Variants in ODF2L observed in about 807,000 individuals in gnomAD.
ODF2L encodes the protein outer dense fiber of sperm tails 2 like, also known as protein BCAP.
In ODF2L, 76 loss-of-function variants were observed where a neutral mutation model predicts 86.3. That is an observed-to-expected ratio of 0.88 (90% CI 0.73 to 1.07). The LOEUF (loss-of-function observed/expected upper bound fraction) is 1.07, where lower values mean the gene tolerates loss of function less well. Among genes scored for constraint, ODF2L ranks in the 50% least tolerant of loss-of-function variants. ODF2L has a pLI of 0.00. For missense variants in ODF2L, 748 were observed against 717.4 expected (o/e 1.04, Z -0.49); for synonymous variants, 241 against 231.3 (o/e 1.04, Z -0.38).
intron 1 of ODF2L, among the ~76,000 whole-genome samples, chr1:86,390,885 G>A (rs1434379200): frequency 6.6e-6 from 1 of 152,182 alleles, no homozygotes; most frequent in Non-Finnish European, 1.5e-5. Flanking sequence ...TAAACAGGAA[G>A]TCAAACCGTT....
At chr1:86,365,418 G>A (rs1659335987) in intron 11 of ODF2L, among the ~76,000 whole-genome samples, 1 of 151,980 alleles carries the variant, frequency 6.6e-6, no homozygotes, top group African/African-American at 2.4e-5. Flanking sequence ...ATGGATGGAG[G>A]GAAGAAAAGC....
chr1:86,363,234 T>C (rs940030058), intron 11 of ODF2L, among the ~76,000 whole-genome samples: 1 of 152,186 alleles, frequency 6.6e-6, no homozygotes, highest in Non-Finnish European at 1.5e-5. Context: ...TTGGGAAACA[T>C]CAAGAGCTCC....
chr1:86,350,507 G>C (rs536775128), exon 18 of ODF2L: 1 of 152,260 alleles, frequency 6.6e-6, no homozygotes, highest in South Asian at 2.1e-4. Flanking sequence ...ATCATTGATG[G>C]GCATTTGGGT....
chr1:86,357,254 A>C (rs1658647618), intron 13 of ODF2L, among the ~76,000 whole-genome samples: 1 of 152,110 alleles, frequency 6.6e-6, no homozygotes. Context: ...TTGCACTGCT[A>C]ATTACAAAAA....
At chr1:86,368,341 G>A (rs1168325525) in intron 11 of ODF2L, among the ~76,000 whole-genome samples, 1 of 151,854 alleles carries the variant, frequency 6.6e-6, no homozygotes, top group East Asian at 1.9e-4. Flanking sequence ...AGTTGTATTA[G>A]TATTTATATT....
At chr1:86,353,677 T>C (rs1658316287) in intron 16 of ODF2L, among the ~76,000 whole-genome samples, 1 of 152,154 alleles carries the variant, frequency 6.6e-6, no homozygotes, top group African/African-American at 2.4e-5. Flanking sequence ...CCAACCTAAT[T>C]CCTATGAACT....
chr1:86,347,986 GA>G (rs1657893935), downstream of ODF2L: 2 of 152,142 alleles, frequency 1.3e-5, no homozygotes, highest in Non-Finnish European at 2.9e-5. Context: ...GTTGGCCATG[GA>G]AAGGGTGGGA....
At chr1:86,392,900 T>C (rs1015045755) in intron 1 of ODF2L, among the ~76,000 whole-genome samples, 1 of 152,218 alleles carries the variant, frequency 6.6e-6, no homozygotes, top group African/African-American at 2.4e-5. Flanking sequence ...AAATTTCCTA[T>C]ACAGAGACAA....
intron 11 of ODF2L, among the ~76,000 whole-genome samples, chr1:86,361,551 A>T (rs1172626798): frequency 6.6e-6 from 1 of 152,240 alleles, no homozygotes; most frequent in East Asian, 1.9e-4. Context: ...ATTTAAAAAA[A>T]TGTGTGTGCG....
chr1:86,370,704 A>G (rs961467001), intron 10 of ODF2L, among the ~76,000 whole-genome samples: 10 of 152,190 alleles, frequency 6.6e-5, no homozygotes, highest in Non-Finnish European at 1.3e-4. Context: ...GGTTTCAAAC[A>G]GACCAGGCCT....
chr1:86,364,822 A>C (rs1233898434), intron 11 of ODF2L, among the ~76,000 whole-genome samples: 2 of 152,222 alleles, frequency 1.3e-5, no homozygotes, highest in Non-Finnish European at 2.9e-5. Context: ...TCAGCTTTGA[A>C]GTGCCAACTC....
intron 8 of ODF2L, 118 bp downstream of exon 8, chr1:86,376,115 T>C (rs1280423977): frequency 2.0e-6 from 1 of 501,996 alleles, no homozygotes; most frequent in Non-Finnish European, 3.4e-6. Flanking sequence ...GTAAGTTTTT[T>C]CTGGTATTAA....
Position 86,371,167 on chromosome 1 carries a change from A to C in ODF2L, c.921-14T>G. The C allele has an allele frequency of 7.4e-7, 1 of 1,345,482 alleles. No homozygotes were observed. Among genetic ancestry groups the C allele is most frequent in the Non-Finnish European group, 1.0e-6 (1 of 997,526 alleles). 83.3% of individuals were successfully genotyped at this position (1,345,482 alleles called of 1,614,324 possible). On this transcript the variant is annotated splice_polypyrimidine_tract_variant and intron_variant, in intron 9 of 17. Coordinates refer to ENST00000317336, the Ensembl canonical transcript of ODF2L. ...TTAATGATTTGCCTTTATAAAATCA[A>C]TGACACATTTTATAAAAGTCATAAA...
At chr1:86,384,700 A>G in exon 4 of ODF2L, 1 of 1,512,146 alleles carries the variant, frequency 6.6e-7, no homozygotes, top group Non-Finnish European at 8.8e-7. Context: ...TCTTTCTAAG[A>G]AGATGTTCTA....
intron 1 of ODF2L, among the ~76,000 whole-genome samples, chr1:86,388,049 C>T (rs1451393739): frequency 6.6e-6 from 1 of 151,934 alleles, no homozygotes; most frequent in Non-Finnish European, 1.5e-5. Context: ...TCTGAATGTT[C>T]TATATACTAT....
intron 7 of ODF2L, among the ~76,000 whole-genome samples, chr1:86,381,642 G>GT (rs1178588610): frequency 6.6e-6 from 1 of 151,304 alleles, no homozygotes; most frequent in Non-Finnish European, 1.5e-5. Context: ...ACCTTATATT[G>GT]TATGATATGC....
At chr1:86,377,014 T>C (rs1660220092) in intron 7 of ODF2L, among the ~76,000 whole-genome samples, 1 of 152,156 alleles carries the variant, frequency 6.6e-6, no homozygotes, top group Non-Finnish European at 1.5e-5. Flanking sequence ...AAGTTTCATC[T>C]GAGACAAGGC....
chr1:86,360,354 T>G, intron 12 of ODF2L, 72 bp downstream of exon 11: 1 of 697,412 alleles, frequency 1.4e-6, no homozygotes, highest in Non-Finnish European at 2.5e-6. Context: ...TCTATTTATT[T>G]AGATTACAAA....
intron 14 of ODF2L, chr1:86,355,423 A>C (rs1267254331): frequency 2.2e-5 from 28 of 1,272,882 alleles, no homozygotes; most frequent in Non-Finnish European, 3.0e-5. Context: ...TCAAGGAAAA[A>C]ATTTTTTTCT....
Sources: gnomAD v4.1 joint callset for allele counts (sites outside exome capture counted in the v4.1 genomes callset) on GRCh38, gnomAD v4.1.1 for gene constraint, MANE v1.5 for transcripts, NCBI Gene and HGNC (gene_info 2026-07-23, HGNC 2026-07-21) for gene names.